Variants in HSP90B1 observed in about 807,000 individuals in gnomAD.
The protein encoded by HSP90B1 is endoplasmin.
Under a neutral mutation model 100.4 loss-of-function variants are expected in HSP90B1, and 27 were observed. The observed-to-expected ratio is 0.27, with a 90% CI of 0.20 to 0.37. The LOEUF is 0.37. Ranked by LOEUF, HSP90B1 falls within the 10% of genes least tolerant of loss-of-function variation. The probability of loss-of-function intolerance (pLI) is 1.00; values close to 1 mark genes in which losing one functional copy is unlikely to be tolerated. For synonymous variants in HSP90B1, 304 were observed against 330.8 expected (o/e 0.92, Z 0.88); for missense variants, 678 against 960.5 (o/e 0.71, Z 3.89).
In HSP90B1 at chr12:103,945,958, T is replaced by C. The variant is rs538047399; in HGVS notation, c.2028-660T>C. On this transcript the variant is annotated intron_variant, in intron 14 of 17. Transcript: ENST00000299767. ...AGGAAACAGTGCAGTCATCCCTTTT[T>C]GTCCATGGGGTGTTGGTTCCAGAAC... is the stretch of plus-strand genomic sequence containing the variant. Among the ~76,000 whole-genome samples, 7 of 152,210 alleles carry C rather than the reference T, an allele frequency of 4.6e-5. No individual in the cohort carries two copies. In the South Asian group the frequency reaches 1.2e-3, roughly 27 times the overall value.
rs1044863579 is a variant in HSP90B1, at chr12:103,938,659, C to T, written c.975+200C>T. On this transcript the variant is annotated intron_variant, in intron 7 of 17. Coordinates refer to ENST00000299767, the MANE Select transcript of HSP90B1 (RefSeq NM_003299.3). Reference sequence around the variant, plus strand: ...AAAGTTTTAAGTATCAAACCCAGGTCATTTTTATGAAGAGTTTTCTAACTT... The same window carrying T: ...AAAGTTTTAAGTATCAAACCCAGGTTATTTTTATGAAGAGTTTTCTAACTT... The T allele has an allele frequency of 1.5e-5, 6 of 401,142 alleles. No individual in the cohort carries two copies. In the South Asian group the frequency reaches 2.3e-4, roughly 15 times the overall value. 24.8% of individuals were successfully genotyped at this position (401,142 alleles called of 1,614,324 possible).
intron 2 of HSP90B1, 130 bp from the exon 3 acceptor site, chr12:103,932,147 A>G: frequency 3.1e-6 from 2 of 654,482 alleles, no homozygotes; most frequent in Non-Finnish European, 5.1e-6. Context: ...TATATCAGTT[A>G]TATTTTATAA....
At chr12:103,939,383 G>A (rs777867901) in intron 7 of HSP90B1, 126 bp from the exon 8 acceptor site, 32 of 400,290 alleles carry the variant, frequency 8.0e-5, no homozygotes, top group Non-Finnish European at 1.2e-4. Flanking sequence ...GATTACAGGC[G>A]TGAGCCACCA....
intron 5 of HSP90B1, among the ~76,000 whole-genome samples, chr12:103,936,693 G>GCCAGC (rs1277691737): frequency 6.6e-6 from 1 of 150,886 alleles, no homozygotes; most frequent in Admixed American, 6.6e-5. Context: ...GCTATAGCTT[G>GCCAGC]CCAGCCCCTT....
chr12:103,936,296 T>C (rs1191582926), intron 5 of HSP90B1, among the ~76,000 whole-genome samples: 1 of 152,218 alleles, frequency 6.6e-6, no homozygotes, highest in African/African-American at 2.4e-5. Context: ...CTATATGGTC[T>C]GTCACATGTC....
chr12:103,934,174 T>C lies in HSP90B1; in HGVS notation c.630T>C (p.Ile210=), dbSNP rs1869840340. 6.2e-7 allele frequency: 1 copy of C among 1,614,230 alleles called. No individual in the cohort carries two copies. The highest frequency in any genetic ancestry group is 1.1e-5 in the South Asian group (1 of 91,084). ...YSAFLVADKV[I]VTSKHNNDTQ... ...CCTTCCTTGTAGCAGATAAGGTTATTGTCACTTCAAAACACAACAACGATA... is the reference window on the plus strand; with the variant it reads ...CCTTCCTTGTAGCAGATAAGGTTATCGTCACTTCAAAACACAACAACGATA... The change falls in exon 5 of 18, where the codon ATT becomes ATC. Residue 210 remains isoleucine, a synonymous_variant. Transcript: ENST00000299767.
At chr12:103,946,384 C>T (rs369119613) in intron 14 of HSP90B1, among the ~76,000 whole-genome samples, 9 of 152,036 alleles carry the variant, frequency 5.9e-5, no homozygotes, top group East Asian at 3.8e-4. Context: ...CCCAAGAATA[C>T]GGTATTTTCT....
In HSP90B1 at chr12:103,947,692, G is replaced by A. The variant is rs1870280583; in HGVS notation, c.*30G>A. On this transcript the variant is annotated 3_prime_UTR_variant, in exon 18 of 18. Transcript: ENST00000299767. ...TACTCTCACCATTTGGATCCTGTGT[G>A]GAGAGGGAATGTGAAATTTACATCA... The A allele has an allele frequency of 6.4e-7, 1 of 1,566,454 alleles. No homozygotes were observed.
At position 103,941,905 on chromosome 12, in the gene HSP90B1, T is replaced by A; in HGVS notation, c.1374+8T>A. 1.9e-6 allele frequency: 3 copies of A among 1,609,974 alleles called. No individual in the cohort carries two copies. Among genetic ancestry groups the A allele is most frequent in the Non-Finnish European group, 2.6e-6 (3 of 1,176,380 alleles). ...CAACATAAACTGCTTAAGGTAAGTG[T>A]CTCTGGGAAGAAACTCTCCACTTTG... is the stretch of plus-strand genomic sequence containing the variant. On this transcript the variant is annotated splice_region_variant and intron_variant, in intron 11 of 17. Transcript: ENST00000299767.
Position 103,943,097 on chromosome 12 carries a change from G to A in HSP90B1, c.1668G>A (p.Glu556=). 6.2e-7 allele frequency: 1 copy of A among 1,614,074 alleles called. No homozygotes were observed. Among genetic ancestry groups the A allele is most frequent in the Non-Finnish European group, 8.5e-7 (1 of 1,179,978 alleles). Residue 556 remains glutamate (E), a synonymous_variant, in exon 13 of 18, where the codon GAG becomes GAA. Coordinates refer to ENST00000299767, the MANE Select transcript of HSP90B1 (RefSeq NM_003299.3). The surrounding 1 kb of genome is among the most constrained non-coding windows in gnomAD (Gnocchi z 5.3). ...RKEAESSPFV[E]RLLKKGYEVI... ...AGGCTGAATCTTCTCCATTTGTTGA[G>A]CGACTTCTGAAAAAGGGCTATGAAG...
Position 103,943,808 on chromosome 12 carries a change from G to T in HSP90B1, c.1961G>T (p.Trp654Leu), listed in dbSNP as rs1870147327. The T allele has an allele frequency of 1.9e-6, 3 of 1,614,124 alleles. No homozygotes were observed. Among genetic ancestry groups the T allele is most frequent in the Non-Finnish European group, 2.5e-6 (3 of 1,180,002 alleles). Residue 654 changes from tryptophan (W) to leucine (L), a missense_variant, in exon 14 of 18, where the codon TGG becomes TTG. This residue lies in a region of HSP90B1 where 170 missense variants were observed against 236.7 expected (regional missense o/e 0.72). Transcript: ENST00000299767. This position sits in a 1 kb window ranked among gnomAD's most constrained non-coding sequence, Gnocchi z 5.3. ...GCTTTGGTGGCCAGCCAGTACGGAT[G>T]GTCTGGCAACATGGAGAGAATCATG... Reference protein sequence around the residue: ...PCALVASQYGWSGNMERIMKA... With the variant: ...PCALVASQYGLSGNMERIMKA...
chr12:103,941,580 A>C, intron 9 of HSP90B1, 33 bp downstream of exon 9: 1 of 1,613,860 alleles, frequency 6.2e-7, no homozygotes. Context: ...CTGCGTTTAA[A>C]ATTTGAAAGT....
intron 7 of HSP90B1, 61 bp from the exon 8 acceptor site, chr12:103,939,448 A>G: frequency 1.4e-6 from 1 of 700,772 alleles, no homozygotes; most frequent in South Asian, 2.0e-5. Context: ...AGCCATGGTT[A>G]CTGCTAGGAT....
intron 14 of HSP90B1, among the ~76,000 whole-genome samples, chr12:103,944,896 C>T (rs1337413992): frequency 6.6e-6 from 1 of 152,162 alleles, no homozygotes; most frequent in Non-Finnish European, 1.5e-5. Context: ...ATGTAGTCTC[C>T]ATTGTTGTCA....
At chr12:103,942,850 A>T (rs937112244) in intron 12 of HSP90B1, 54 bp downstream of exon 12, 3 of 1,592,842 alleles carry the variant, frequency 1.9e-6, no homozygotes, top group Admixed American at 3.4e-5. Flanking sequence ...CTAGGGATTT[A>T]TAGCCAACTC....
intron 3 of HSP90B1, among the ~76,000 whole-genome samples, 170 bp downstream of exon 3, chr12:103,932,588 T>C (rs1181924185): frequency 6.6e-6 from 1 of 152,182 alleles, no homozygotes; most frequent in East Asian, 1.9e-4. Context: ...AGAAAGGGAG[T>C]GTCAGACATT....
intron 5 of HSP90B1, among the ~76,000 whole-genome samples, chr12:103,935,411 A>C (rs1297109097): frequency 6.6e-6 from 1 of 151,226 alleles, no homozygotes; most frequent in Non-Finnish European, 1.5e-5. Flanking sequence ...TGGCTTGCCA[A>C]CTCCTGCTAA....
chr12:103,936,555 G>C (rs1419058911), intron 5 of HSP90B1, among the ~76,000 whole-genome samples: 1 of 150,070 alleles, frequency 6.7e-6, no homozygotes, highest in Non-Finnish European at 1.5e-5. Context: ...GCTGAGGTAG[G>C]AGGATTGCTT....
intron 5 of HSP90B1, 91 bp downstream of exon 5, chr12:103,934,378 G>A (rs1869846637): frequency 9.6e-7 from 1 of 1,042,904 alleles, no homozygotes. Flanking sequence ...ACTTATTCTG[G>A]GCCTTAATTT....
Sources: gnomAD v4.1 joint callset for allele counts (sites outside exome capture counted in the v4.1 genomes callset) on GRCh38, gnomAD v4.1.1 for gene constraint, gnomAD v4.1.1 regional missense constraint, Gnocchi (gnomAD v3.1) non-coding constraint, MANE v1.5 for transcripts, NCBI Gene and HGNC (gene_info 2026-07-23, HGNC 2026-07-21) for gene names.